The following PCDHGA7 variants were observed in gnomAD, a reference collection of about 807,000 sequenced individuals.
PCDHGA7 encodes protocadherin gamma subfamily A, 7, also known as protocadherin gamma-A7.
In PCDHGA7, 44 loss-of-function variants were observed where a neutral mutation model predicts 58.3. The observed-to-expected ratio is 0.75, with a 90% CI of 0.59 to 0.97. The LOEUF (loss-of-function observed/expected upper bound fraction) is 0.97, where lower values mean the gene tolerates loss of function less well. PCDHGA7 is among the 50% of genes least tolerant of loss of function. The pLI, the probability that PCDHGA7 is intolerant of heterozygous loss-of-function variation, is 0.00. For synonymous variants in PCDHGA7, 516 were observed against 504.2 expected, an observed-to-expected ratio of 1.02 and a Z score of -0.31; for missense variants, 1,266 against 1,188.7, an observed-to-expected ratio of 1.06 and a Z score of -0.96.
chr5:141,413,739 C>A (rs748041372), intron 1 of PCDHGA7: 1 of 1,613,424 alleles, frequency 6.2e-7, no homozygotes, highest in South Asian at 1.1e-5. Context: ...GAGTTCAGAG[C>A]CGTGCCAATG....
At chr5:141,415,653 G>T in intron 1 of PCDHGA7, 1 of 1,539,362 alleles carries the variant, frequency 6.5e-7, no homozygotes, top group Non-Finnish European at 8.8e-7. Context: ...AAAAAAAAAA[G>T]ATTGGTTTTT....
At chr5:141,458,787 C>A (rs968490647) in intron 1 of PCDHGA7, among the ~76,000 whole-genome samples, 1 of 152,004 alleles carries the variant, frequency 6.6e-6, no homozygotes, top group African/African-American at 2.4e-5. Flanking sequence ...GGCTGGAGTG[C>A]AGTGGTGTGA....
chr5:141,491,783 A>C lies in PCDHGA7; in HGVS notation c.2425-3024A>C. 1 of 1,539,736 alleles carries C rather than the reference A, an allele frequency of 6.5e-7. No individual in the cohort carries two copies. The highest frequency in any genetic ancestry group is 1.2e-5 in the South Asian group (1 of 82,444). On this transcript the variant is annotated intron_variant, in intron 1 of 3. Coordinates refer to ENST00000518325, the MANE Select transcript of PCDHGA7 (RefSeq NM_018920.4). The surrounding 1 kb of genome is among the most constrained non-coding windows in gnomAD (Gnocchi z 6.9). ...CGTCCTCATAAGGGATTGAACTTGC[A>C]TCCACTCCTCTCCGGCCGGCTTGGT...
intron 1 of PCDHGA7, chr5:141,403,682 C>T (rs1456832899): frequency 1.3e-5 from 21 of 1,613,810 alleles, no homozygotes; most frequent in Non-Finnish European, 1.1e-5. Flanking sequence ...GGTTTTTGCT[C>T]AACGGATTTA....
chr5:141,455,494 T>C (rs1223531150), intron 1 of PCDHGA7, among the ~76,000 whole-genome samples: 2 of 152,214 alleles, frequency 1.3e-5, no homozygotes, highest in African/African-American at 4.8e-5. Context: ...AGGTGATGTC[T>C]GATTTGCATA....
chr5:141,404,641 G>C, intron 1 of PCDHGA7: 2 of 1,614,178 alleles, frequency 1.2e-6, no homozygotes, highest in Non-Finnish European at 1.7e-6. Context: ...CAGAAATCCT[G>C]TACCCTGCCC....
intron 1 of PCDHGA7, among the ~76,000 whole-genome samples, chr5:141,436,604 G>A (rs2097836057): frequency 6.6e-6 from 1 of 152,146 alleles, no homozygotes; most frequent in Admixed American, 6.5e-5. Context: ...GTGATGGCTA[G>A]GGCTAACAAA....
chr5:141,403,476 A>G lies in PCDHGA7; in HGVS notation c.2424+18153A>G, dbSNP rs1258805283. The G allele has an allele frequency of 5.6e-6, 9 of 1,613,972 alleles. No homozygotes were observed. In the Admixed American group the frequency reaches 8.3e-5, roughly 15 times the overall value. On this transcript the variant is annotated intron_variant, in intron 1 of 3. Coordinates refer to ENST00000518325, the MANE Select transcript of PCDHGA7 (RefSeq NM_018920.4). ...CTCCAGAGCTACCAGCTCAGCCCCA[A>G]TCACCACTTCTCCCTGAACGTGCAG...
At position 141,404,906 on chromosome 5, in the gene PCDHGA7, C is replaced by A. The variant is rs776779922; in HGVS notation, c.2424+19583C>A. 1 of 1,613,864 alleles carries A rather than the reference C, an allele frequency of 6.2e-7. No homozygotes were observed. The highest frequency in any genetic ancestry group is 8.5e-7 in the Non-Finnish European group (1 of 1,179,858). ...GGTGGCTGTACAGGACCATGGCCAGCCCCCTCTCTCGGCCACTGTCACGCT... is the reference window on the plus strand; with the variant it reads ...GGTGGCTGTACAGGACCATGGCCAGACCCCTCTCTCGGCCACTGTCACGCT... On this transcript the variant is annotated intron_variant, in intron 1 of 3. Transcript: ENST00000518325.
At chr5:141,388,115 G>C (rs747417828) in intron 1 of PCDHGA7, 1 of 1,410,070 alleles carries the variant, frequency 7.1e-7, no homozygotes. Flanking sequence ...ACTTCACCGT[G>C]AGCGCAGAGA....
rs2097527384 is a variant in PCDHGA7 at position 141,432,674 on chromosome 5, A to G, written c.2424+47351A>G. 2 of 1,613,856 alleles carry G rather than the reference A, an allele frequency of 1.2e-6. No homozygotes were observed. The highest frequency in any genetic ancestry group is 4.5e-5 in the East Asian group (2 of 44,840). On this transcript the variant is annotated intron_variant, in intron 1 of 3. Coordinates refer to ENST00000518325, the MANE Select transcript of PCDHGA7 (RefSeq NM_018920.4). The surrounding 1 kb of genome is among the most constrained non-coding windows in gnomAD (Gnocchi z 6.0). ...AGCCCTGCTGGACAGAGACGCGCTCAAGCAGAGCCTCGTAGTGGCCGTCCA... is the reference window on the plus strand; with the variant it reads ...AGCCCTGCTGGACAGAGACGCGCTCGAGCAGAGCCTCGTAGTGGCCGTCCA...
At chr5:141,389,147 G>C (rs530113846) in intron 1 of PCDHGA7, 120 of 1,613,986 alleles carry the variant, frequency 7.4e-5, no homozygotes, top group Admixed American at 4.8e-4. Flanking sequence ...TAACCGTTAC[G>C]GCAACAGATC....
In PCDHGA7 at chr5:141,490,499, A is replaced by G. The variant is rs1269710790; in HGVS notation, c.2425-4308A>G. On this transcript the variant is annotated intron_variant, in intron 1 of 3. Coordinates refer to ENST00000518325, the MANE Select transcript of PCDHGA7 (RefSeq NM_018920.4). The surrounding 1 kb of genome is among the most constrained non-coding windows in gnomAD (Gnocchi z 5.4). ...TTGGACCGGGAGGCCACATCCCACT[A>G]TATCATCGAGCTGCTGGCCAGCGAT... 1.2e-6 allele frequency: 2 copies of G among 1,614,148 alleles called. No homozygotes were observed. Among genetic ancestry groups the G allele is most frequent in the Non-Finnish European group, 8.5e-7 (1 of 1,180,020 alleles).
Position 141,493,760 on chromosome 5 carries a change from G to C in PCDHGA7, c.2425-1047G>C, listed in dbSNP as rs1268832909. On this transcript the variant is annotated intron_variant, in intron 1 of 3. Coordinates refer to ENST00000518325, the MANE Select transcript of PCDHGA7 (RefSeq NM_018920.4). The surrounding 1 kb of genome is among the most constrained non-coding windows in gnomAD (Gnocchi z 4.3). ...ACTGCCACCTGTGAGCCTTGAGTGA[G>C]CCACTGGCAGTTCCGGAGCTTCCTT... Among the ~76,000 whole-genome samples, 1 of 152,166 alleles carries C rather than the reference G, an allele frequency of 6.6e-6. No individual in the cohort carries two copies. The highest frequency in any genetic ancestry group is 1.5e-5 in the Non-Finnish European group (1 of 68,022).
At position 141,486,112 on chromosome 5, in the gene PCDHGA7, G is replaced by A; in HGVS notation, c.2425-8695G>A. ...TGGGGCCCCTAGACTTTGAGAGTGA[G>A]AATTACTATGAATTTGATGTGCGGG... On this transcript the variant is annotated intron_variant, in intron 1 of 3. Transcript: ENST00000518325. This position sits in a 1 kb window ranked among gnomAD's most constrained non-coding sequence, Gnocchi z 5.0. 1 of 1,614,166 alleles carries A rather than the reference G, an allele frequency of 6.2e-7. No homozygotes were observed. Among genetic ancestry groups the A allele is most frequent in the Non-Finnish European group, 8.5e-7 (1 of 1,180,024 alleles).
At position 141,477,210 on chromosome 5, in the gene PCDHGA7, C is replaced by A. The variant is rs780852225; in HGVS notation, c.2425-17597C>A. On this transcript the variant is annotated intron_variant, in intron 1 of 3. Transcript: ENST00000518325. This position sits in a 1 kb window ranked among gnomAD's most constrained non-coding sequence, Gnocchi z 4.9. ...GTGTACAGCCCAGTACCCGAGGATG[C>A]CCCTCTGGGGACTGTCATCGCTTTG... The A allele has an allele frequency of 6.2e-7, 1 of 1,614,142 alleles. No homozygotes were observed. The highest frequency in any genetic ancestry group is 8.5e-7 in the Non-Finnish European group (1 of 1,180,030).
chr5:141,418,244 C>G (rs746986702), intron 1 of PCDHGA7: 1 of 1,613,980 alleles, frequency 6.2e-7, no homozygotes. Flanking sequence ...TGTTAATGAC[C>G]ACGCCCCTCA....
At chr5:141,395,131 C>T in intron 1 of PCDHGA7, 1 of 1,614,202 alleles carries the variant, frequency 6.2e-7, no homozygotes, top group Non-Finnish European at 8.5e-7. Flanking sequence ...TTTCCCCAGC[C>T]CAACTACGCA....
chr5:141,422,175 T>G (rs2096631593), intron 1 of PCDHGA7: 1 of 1,564,276 alleles, frequency 6.4e-7, no homozygotes, highest in Non-Finnish European at 8.6e-7. Context: ...ATAGATTCTA[T>G]GAGATGGAAA....
Sources: gnomAD v4.1 joint callset for allele counts (sites outside exome capture counted in the v4.1 genomes callset) on GRCh38, gnomAD v4.1.1 for gene constraint, Gnocchi (gnomAD v3.1) non-coding constraint, MANE v1.5 for transcripts, NCBI Gene and HGNC (gene_info 2026-07-23, HGNC 2026-07-21) for gene names.